AOPEP: variants seen among roughly 807,000 people sequenced by gnomAD.
The protein encoded by AOPEP is aminopeptidase O (putative), also known as aminopeptidase O.
AOPEP carries 77 observed loss-of-function variants against 98.1 expected under a neutral mutation model. The ratio of observed to expected loss-of-function variants is 0.78; its 90% CI spans 0.65 to 0.95. AOPEP has a LOEUF of 0.95. Among genes scored for constraint, AOPEP ranks in the 40% least tolerant of loss-of-function variants. The pLI is 0.00. For missense variants in AOPEP, 1,024 were observed against 1,024.7 expected (o/e 1.00, Z 0.01); for synonymous variants, 346 against 365.3 (o/e 0.95, Z 0.60).
intron 5 of AOPEP, among the ~76,000 whole-genome samples, chr9:94,861,261 C>G (rs1227144181): frequency 6.6e-6 from 1 of 152,160 alleles, no homozygotes; most frequent in Admixed American, 6.5e-5. Flanking sequence ...TGTCACCAAA[C>G]AAGCATGAAA....
downstream of AOPEP, among the ~76,000 whole-genome samples, chr9:95,090,505 G>A (rs1425059351): frequency 6.6e-6 from 1 of 152,146 alleles, no homozygotes; most frequent in Non-Finnish European, 1.5e-5. Context: ...GGGAGGGGAG[G>A]TAGCCAGGGC....
intron 5 of AOPEP, among the ~76,000 whole-genome samples, chr9:94,822,144 G>A (rs1853372731): frequency 1.3e-5 from 2 of 152,188 alleles, no homozygotes; most frequent in Admixed American, 1.3e-4. Context: ...ATCATAGAAG[G>A]GCTGAGAGGC....
chr9:95,079,484 G>C (rs1208359964), intron 14 of AOPEP, among the ~76,000 whole-genome samples: 7 of 152,240 alleles, frequency 4.6e-5, no homozygotes, highest in African/African-American at 1.7e-4. Flanking sequence ...CAGTGATGGA[G>C]TATAAAATGG....
the AOPEP span, among the ~76,000 whole-genome samples, chr9:95,106,577 A>T: frequency 6.6e-6 from 1 of 152,160 alleles, no homozygotes; most frequent in Non-Finnish European, 1.5e-5. Flanking sequence ...TTTGACTTGG[A>T]CCGTTTTTTA....
the AOPEP span, chr9:95,123,187 C>G: frequency 5.4e-6 from 1 of 185,824 alleles, no homozygotes; most frequent in African/African-American, 2.4e-5. Context: ...CCTGTGGTCC[C>G]AACTACTTGG....
At chr9:94,926,461 G>A (rs1564392207) in intron 6 of AOPEP, among the ~76,000 whole-genome samples, 1 of 152,196 alleles carries the variant, frequency 6.6e-6, no homozygotes, top group Non-Finnish European at 1.5e-5. Flanking sequence ...AACTCTTCGA[G>A]ATGTGAAAAC....
At chr9:95,037,245 T>C (rs1269481158) in intron 13 of AOPEP, among the ~76,000 whole-genome samples, 1 of 152,052 alleles carries the variant, frequency 6.6e-6, no homozygotes, top group Non-Finnish European at 1.5e-5. Context: ...TAAAGGGGGG[T>C]GGTTTTCCTT....
chr9:95,135,414 C>CA, the AOPEP span: 1 of 1,613,988 alleles, frequency 6.2e-7, no homozygotes, highest in East Asian at 2.2e-5. Context: ...ATTAGCTTTT[C>CA]AAAAAGATGC....
intron 13 of AOPEP, among the ~76,000 whole-genome samples, chr9:95,010,402 C>G (rs1389868647): frequency 6.6e-6 from 1 of 152,212 alleles, no homozygotes; most frequent in Non-Finnish European, 1.5e-5. Context: ...GCACACAAAG[C>G]TTAGCAAAAT....
At chr9:94,920,482 C>T (rs60413676) in intron 5 of AOPEP, 1,742 of 152,426 alleles carry the variant, frequency 0.011, 58 homozygotes, top group Admixed American at 0.057. Context: ...CCTGCTGTGG[C>T]AGCAGCATCT....
chr9:95,004,948 GCCGCCGCC>G, intron 11 of AOPEP: 1 of 145,030 alleles, frequency 6.9e-6, no homozygotes, highest in South Asian at 2.2e-4. Context: ...GCCCGCCCGC[GCCGCCGCC>G]CAGGCCCCGC....
chr9:94,987,109 G>T (rs1320509986), intron 11 of AOPEP, among the ~76,000 whole-genome samples: 1 of 152,176 alleles, frequency 6.6e-6, no homozygotes, highest in East Asian at 1.9e-4. Context: ...CCACACATAG[G>T]TTCTTGATGA....
intron 5 of AOPEP, among the ~76,000 whole-genome samples, chr9:94,817,839 T>C (rs1852046707): frequency 6.6e-6 from 1 of 151,958 alleles, no homozygotes; most frequent in Non-Finnish European, 1.5e-5. Context: ...GGAAGAAGCA[T>C]GAGAAGAGAA....
the AOPEP span, among the ~76,000 whole-genome samples, chr9:95,095,299 A>G: frequency 6.6e-6 from 1 of 152,090 alleles, no homozygotes; most frequent in Non-Finnish European, 1.5e-5. Context: ...CTCTGTCATC[A>G]GCATGGGGAG....
chr9:94,825,347 C>G (rs573620179), intron 5 of AOPEP, among the ~76,000 whole-genome samples: 1 of 152,216 alleles, frequency 6.6e-6, no homozygotes, highest in East Asian at 1.9e-4. Flanking sequence ...CCTTCTCTCC[C>G]CTTGAGAGGG....
intron 5 of AOPEP, among the ~76,000 whole-genome samples, chr9:94,914,523 CGTGTGTGTGTGTGTGTGTGT>C (rs67826706): frequency 7.0e-6 from 1 of 143,606 alleles, no homozygotes; most frequent in Non-Finnish European, 1.5e-5. Context: ...TGGCATTAGA[CGTGTGTGTGTGTGTGTGTGT>C]GTGTGTGTGT....
intron 11 of AOPEP, among the ~76,000 whole-genome samples, chr9:94,993,570 T>A (rs1307593299): frequency 2.0e-5 from 3 of 152,218 alleles, no homozygotes; most frequent in Non-Finnish European, 4.4e-5. Context: ...CAAACCCAGA[T>A]GCTTTCCTAA....
the AOPEP span, among the ~76,000 whole-genome samples, chr9:95,131,533 C>T: frequency 6.6e-6 from 1 of 152,174 alleles, no homozygotes; most frequent in South Asian, 2.1e-4. Context: ...ATCTGGTGCC[C>T]CCCTGAGGCT....
At chr9:94,744,635 A>C (rs1221434402) in intron 1 of AOPEP, among the ~76,000 whole-genome samples, 1 of 138,228 alleles carries the variant, frequency 7.2e-6, no homozygotes, top group Non-Finnish European at 1.5e-5. Context: ...CAGGAGACGG[A>C]GGTTGCAGTG....
Sources: gnomAD v4.1 joint callset for allele counts (sites outside exome capture counted in the v4.1 genomes callset) on GRCh38, gnomAD v4.1.1 for gene constraint, MANE v1.5 for transcripts, NCBI Gene and HGNC (gene_info 2026-07-23, HGNC 2026-07-21) for gene names.